Variants in CHLSN observed in about 807,000 individuals in gnomAD.
CHLSN encodes cholesin, also known as protein cholesin.
chr7:1,133,751 CA>C, the CHLSN span, among the ~76,000 whole-genome samples: 50 of 114,952 alleles, frequency 4.3e-4, no homozygotes, highest in Admixed American at 5.6e-4. Context: ...GACTCCATCT[CA>C]AAAAAAAAAA....
At chr7:1,091,035 G>T in the CHLSN span, among the ~76,000 whole-genome samples, 1 of 152,156 alleles carries the variant, frequency 6.6e-6, no homozygotes, top group East Asian at 1.9e-4. Context: ...CTGCTGAAAT[G>T]CATTTTCCCC....
At chr7:1,105,340 G>A in the CHLSN span, among the ~76,000 whole-genome samples, 31,177 of 152,162 alleles carry the variant, frequency 0.2, 3,492 homozygotes, top group Middle Eastern at 0.33. Flanking sequence ...CGGTTCTGCC[G>A]CCGGCCGGCT....
At chr7:978,113 G>C in the CHLSN span, among the ~76,000 whole-genome samples, 3 of 152,224 alleles carry the variant, frequency 2.0e-5, no homozygotes, top group East Asian at 5.8e-4. Flanking sequence ...GCCTGGAGGT[G>C]ACAACCGGCT....
At chr7:1,090,618 C>T in the CHLSN span, among the ~76,000 whole-genome samples, 6 of 152,066 alleles carry the variant, frequency 3.9e-5, no homozygotes, top group South Asian at 2.1e-4. Context: ...CAGGGTGACA[C>T]GGGGTGGGTG....
chr7:988,444 G>A, the CHLSN span: 1 of 1,611,560 alleles, frequency 6.2e-7, no homozygotes, highest in Non-Finnish European at 8.5e-7. Context: ...GGCCGGGGTG[G>A]GGCGGCACCT....
the CHLSN span, among the ~76,000 whole-genome samples, chr7:1,035,108 CT>C: frequency 6.6e-6 from 1 of 152,162 alleles, no homozygotes; most frequent in Non-Finnish European, 1.5e-5. Context: ...GGTGTCATGT[CT>C]TTGCTATTGT....
the CHLSN span, among the ~76,000 whole-genome samples, chr7:1,034,110 A>T: frequency 0.07 from 10,706 of 152,360 alleles, 425 homozygotes; most frequent in Admixed American, 0.12. Context: ...GGGACCGCAG[A>T]CAGTCAGGGA....
the CHLSN span, chr7:1,058,712 C>T: frequency 1.7e-6 from 1 of 599,968 alleles, no homozygotes; most frequent in South Asian, 2.1e-5. Flanking sequence ...TGGCATCTGG[C>T]TTGAGTCTCC....
the CHLSN span, among the ~76,000 whole-genome samples, chr7:1,131,835 A>G: frequency 6.6e-6 from 1 of 152,226 alleles, no homozygotes; most frequent in Admixed American, 6.5e-5. Flanking sequence ...CATATTATGG[A>G]AAGGTTCCTT....
At chr7:998,692 C>T in the CHLSN span, among the ~76,000 whole-genome samples, 3 of 152,124 alleles carry the variant, frequency 2.0e-5, no homozygotes, top group South Asian at 2.1e-4. Context: ...GTGATCCACC[C>T]GCCTCAGACT....
the CHLSN span, chr7:1,093,057 C>T: frequency 4.2e-6 from 3 of 710,278 alleles, no homozygotes; most frequent in Admixed American, 6.0e-5. Context: ...TTGCACTCCT[C>T]ACACAGAATT....
At chr7:1,058,370 CT>C in the CHLSN span, 10 of 780,238 alleles carry the variant, frequency 1.3e-5, no homozygotes, top group East Asian at 2.4e-4. Context: ...AACTCCTGGC[CT>C]TCTCCAGCAG....
the CHLSN span, among the ~76,000 whole-genome samples, chr7:1,019,625 G>A: frequency 1.3e-5 from 2 of 152,246 alleles, no homozygotes; most frequent in East Asian, 1.9e-4. Flanking sequence ...GGGAGGCTGC[G>A]CAGGCCTAGT....
the CHLSN span, chr7:988,146 A>T: frequency 8.8e-7 from 1 of 1,136,550 alleles, no homozygotes; most frequent in Non-Finnish European, 1.2e-6. Context: ...TGGGTGCCTC[A>T]CCTGCAAGGT....
At chr7:1,033,365 C>T in the CHLSN span, among the ~76,000 whole-genome samples, 1 of 152,256 alleles carries the variant, frequency 6.6e-6, no homozygotes, top group East Asian at 1.9e-4. Context: ...CAAGACCAGC[C>T]TGACCAACAC....
chr7:1,010,126 C>G, the CHLSN span: 1 of 1,611,714 alleles, frequency 6.2e-7, no homozygotes, highest in South Asian at 1.1e-5. Flanking sequence ...CCAGCCCGGG[C>G]CTGAGCACAG....
the CHLSN span, among the ~76,000 whole-genome samples, chr7:1,084,490 G>T: frequency 2.6e-5 from 4 of 152,240 alleles, no homozygotes; most frequent in Non-Finnish European, 4.4e-5. Context: ...GTGGTACTGT[G>T]AGCACCTCCA....
the CHLSN span, among the ~76,000 whole-genome samples, chr7:1,087,658 G>A: frequency 2.6e-5 from 4 of 152,168 alleles, no homozygotes; most frequent in Non-Finnish European, 4.4e-5. Flanking sequence ...AGATTCCTAA[G>A]TTACTTGTCA....
chr7:1,074,456 C>G, the CHLSN span: 1 of 151,730 alleles, frequency 6.6e-6, no homozygotes, highest in African/African-American at 2.4e-5. Flanking sequence ...ATCACAACAA[C>G]GGAACCCAGG....
Sources: gnomAD v4.1 joint callset for allele counts (sites outside exome capture counted in the v4.1 genomes callset) on GRCh38, gnomAD v4.1.1 for gene constraint, MANE v1.5 for transcripts, NCBI Gene and HGNC (gene_info 2026-07-23, HGNC 2026-07-21) for gene names.